DNAH17: variants seen among roughly 807,000 people sequenced by gnomAD.
DNAH17 encodes the protein dynein axonemal heavy chain 17.
In DNAH17, 376 loss-of-function variants were observed where a neutral mutation model predicts 485.6. The observed-to-expected ratio is 0.77, with a 90% confidence interval of 0.71 to 0.84. The LOEUF (loss-of-function observed/expected upper bound fraction) is 0.84, where lower values mean the gene tolerates loss of function less well. Ranked by LOEUF, DNAH17 falls within the 40% of genes least tolerant of loss-of-function variation. The pLI is 0.00. For synonymous variants in DNAH17, 3,031 were observed against 2,405.9 expected, an observed-to-expected ratio of 1.26 and a Z score of -7.60; for missense variants, 6,370 against 5,839.3, an observed-to-expected ratio of 1.09 and a Z score of -2.96.
intron 48 of DNAH17, among the ~76,000 whole-genome samples, chr17:78,482,196 C>T (rs1031513604): frequency 6.6e-6 from 1 of 151,136 alleles, no homozygotes; most frequent in Non-Finnish European, 1.5e-5. Flanking sequence ...CCAACCTCAG[C>T]CTCACACTAC....
rs61741264 is a variant in DNAH17, at chr17:78,532,503, G to A, written c.3093C>T (p.Thr1031=). 3,088 of 1,611,248 alleles carry A rather than the reference G, an allele frequency of 1.9e-3. 63 individuals are homozygous for A. In the African/African-American group the frequency reaches 0.037, roughly 19 times the overall value. ...TDDTIPKTPP[T]LAQFQEQIDS... is the part of the protein sequence containing the mutation. ...GCACCTGCTCCTGGAACTGAGCCAG[G>A]GTGGGCGGTGTCTTGGGGATGGTGT... Residue 1031 remains threonine, a synonymous_variant, in exon 20 of 81, where the codon ACC becomes ACT. Coordinates refer to ENST00000389840, the MANE Select transcript of DNAH17 (RefSeq NM_173628.4).
chr17:78,500,284 C>T, intron 36 of DNAH17, 21 bp downstream of exon 36: 1 of 1,600,034 alleles, frequency 6.2e-7, no homozygotes, highest in Non-Finnish European at 8.5e-7. Context: ...TGGGTCCCTC[C>T]TCCGGACCCC....
chr17:78,506,576 G>A, intron 30 of DNAH17, 144 bp downstream of exon 30: 1 of 1,230,702 alleles, frequency 8.1e-7, no homozygotes, highest in Non-Finnish European at 1.1e-6. Flanking sequence ...CCCCAGGGCA[G>A]CTTCTGGTGC....
chr17:78,507,761 C>T lies in DNAH17; in HGVS notation c.4281G>A (p.Gln1427=). 6.3e-7 allele frequency: 1 copy of T among 1,587,438 alleles called. No individual in the cohort carries two copies. The highest frequency in any genetic ancestry group is 8.5e-7 in the Non-Finnish European group (1 of 1,173,370). ...LDSTWSMMEF[Q]HEPHPRTGTM... ...TGCCTGTCCGCGGGTGCGGCTCGTG[C>T]TGGAATTCCATCATGCTCCAGGTAC... The change falls in exon 28 of 81, where the codon CAG becomes CAA. Residue 1427 remains glutamine, a synonymous_variant. Transcript: ENST00000389840.
intron 79 of DNAH17, among the ~76,000 whole-genome samples, 160 bp downstream of exon 79, chr17:78,426,297 A>AGGGG (rs1045196365): frequency 9.9e-5 from 15 of 152,026 alleles, no homozygotes; most frequent in African/African-American, 3.6e-4. Context: ...AGGGTGTGGG[A>AGGGG]GGGGCATGGG....
intron 44 of DNAH17, among the ~76,000 whole-genome samples, chr17:78,489,217 C>G (rs768100398): frequency 6.6e-6 from 1 of 152,216 alleles, no homozygotes; most frequent in Non-Finnish European, 1.5e-5. Flanking sequence ...TCACTTCCCA[C>G]GCAGAGAGCA....
At chr17:78,553,762 CTAAT>C (rs1213747617) in intron 14 of DNAH17, among the ~76,000 whole-genome samples, 1 of 152,162 alleles carries the variant, frequency 6.6e-6, no homozygotes, top group Admixed American at 6.5e-5. Context: ...CATACCATGA[CTAAT>C]TAAGAATTAA....
At chr17:78,454,756 T>C in intron 63 of DNAH17, 51 bp from the exon 64 acceptor site, 1 of 1,464,348 alleles carries the variant, frequency 6.8e-7, no homozygotes, top group Non-Finnish European at 9.4e-7. Flanking sequence ...CCTTATTACT[T>C]ACTAGAAAAT....
rs374833832 is a variant in DNAH17 at position 78,502,877 on chromosome 17, G to T, written c.5082+9C>A. 7 of 1,610,996 alleles carry T rather than the reference G, an allele frequency of 4.3e-6. No individual in the cohort carries two copies. The highest frequency in any genetic ancestry group is 1.7e-5 in the Admixed American group (1 of 59,302). ...ACGAGGCGCCGCCGAGCCCCCACCC[G>T]CCTCAGACCTGGGCTGGGTAGTCCA... On this transcript the variant is annotated intron_variant, in intron 32 of 80. Transcript: ENST00000389840.
chr17:78,500,118 G>C, intron 36 of DNAH17, 187 bp downstream of exon 36: 1 of 621,078 alleles, frequency 1.6e-6, no homozygotes, highest in Non-Finnish European at 2.7e-6. Flanking sequence ...CACCCTGGAA[G>C]TCTTTCCAGA....
intron 6 of DNAH17, 70 bp downstream of exon 6, chr17:78,570,878 A>C (rs1598747597): frequency 1.4e-6 from 1 of 735,098 alleles, no homozygotes; most frequent in East Asian, 3.5e-5. Flanking sequence ...AAAAAAAAAA[A>C]GAAAAAAGAA....
At chr17:78,427,421 C>A in intron 77 of DNAH17, among the ~76,000 whole-genome samples, 1 of 152,204 alleles carries the variant, frequency 6.6e-6, no homozygotes, top group Non-Finnish European at 1.5e-5. Context: ...CAAATGTAGC[C>A]AGCGGTTGAG....
intron 16 of DNAH17, among the ~76,000 whole-genome samples, chr17:78,549,856 G>A (rs1042303014): frequency 3.1e-4 from 47 of 152,178 alleles, no homozygotes; most frequent in African/African-American, 8.2e-4. Context: ...CACCTGCTGC[G>A]GCCCCTGCTG....
At chr17:78,475,101 G>A (rs539191360) in intron 54 of DNAH17, among the ~76,000 whole-genome samples, 177 bp downstream of exon 54, 3 of 151,796 alleles carry the variant, frequency 2.0e-5, no homozygotes, top group East Asian at 3.9e-4. Flanking sequence ...GGGCACGCAC[G>A]CTGGCTGGAA....
At chr17:78,531,720 A>G (rs767967480) in intron 20 of DNAH17, among the ~76,000 whole-genome samples, 5 of 152,062 alleles carry the variant, frequency 3.3e-5, no homozygotes, top group South Asian at 2.1e-4. Context: ...CTCTTTTTCT[A>G]TTCTTTTGCA....
At chr17:78,508,631 G>A (rs2143049830) in intron 27 of DNAH17, among the ~76,000 whole-genome samples, 1 of 152,288 alleles carries the variant, frequency 6.6e-6, no homozygotes, top group South Asian at 2.1e-4. Flanking sequence ...TCCTATGAAA[G>A]TGTGGAAGAG....
At position 78,537,290 on chromosome 17, in the gene DNAH17, A is replaced by G. The variant is rs770579378; in HGVS notation, c.2859+9T>C. The G allele has an allele frequency of 7.1e-6, 11 of 1,555,880 alleles. No homozygotes were observed. The highest frequency in any genetic ancestry group is 8.7e-6 in the Non-Finnish European group (10 of 1,149,756). On this transcript the variant is annotated intron_variant, in intron 19 of 80. Transcript: ENST00000389840. ...ACCCTGTGTACGGCCAGAAGAGGCC[A>G]GGACTGACCTTGTAGTTCATCCTGT...
At chr17:78,491,631 C>A in intron 42 of DNAH17, 61 bp from the exon 43 acceptor site, 1 of 1,564,568 alleles carries the variant, frequency 6.4e-7, no homozygotes, top group East Asian at 2.4e-5. Context: ...CAGTCCCCAC[C>A]AGTCCTGACC....
chr17:78,536,470 A>C (rs1024636280), intron 19 of DNAH17, among the ~76,000 whole-genome samples: 9 of 151,420 alleles, frequency 5.9e-5, no homozygotes, highest in Admixed American at 5.3e-4. Flanking sequence ...AAAATTAAGA[A>C]GTTTAAGACC....
Sources: allele counts gnomAD v4.1 joint callset (sites outside exome capture counted in the v4.1 genomes callset), GRCh38; gene constraint gnomAD v4.1.1; transcripts MANE v1.5; gene names NCBI Gene and HGNC (gene_info 2026-07-23, HGNC 2026-07-21).